Variants in ELAC2 observed in about 807,000 individuals in gnomAD.
The protein encoded by ELAC2 is zinc phosphodiesterase ELAC protein 2.
Under a neutral mutation model 105.2 loss-of-function variants are expected in ELAC2, and 92 were observed. That is an observed-to-expected ratio of 0.87 (90% CI 0.74 to 1.04). The LOEUF is 1.04. Among genes scored for constraint, ELAC2 ranks in the 50% least tolerant of loss-of-function variants. ELAC2 has a pLI of 0.00. For synonymous variants in ELAC2, 468 were observed against 409.1 expected (o/e 1.14, Z -1.74); for missense variants, 1,099 against 1,071.7 (o/e 1.03, Z -0.36).
At position 12,992,035 on chromosome 17, in the gene ELAC2, A is replaced by AAAT. The variant is rs1373437954; in HGVS notation, c.*780_*782dup. On this transcript the variant is annotated 3_prime_UTR_variant, in exon 24 of 24. Transcript: ENST00000338034. ...CTCAGTATGGAAGCAACAACACAGC[A>AAAT]AATCTATTGTCTCCACTTTTACCCA... Among the ~76,000 whole-genome samples the AAAT allele has an allele frequency of 6.6e-6, 1 of 152,196 alleles. No homozygotes were observed. Among genetic ancestry groups the AAAT allele is most frequent in the African/African-American group, 2.4e-5 (1 of 41,446 alleles).
rs2041373893 is a variant in ELAC2, at chr17:13,010,818, T to G, written c.680-147A>C. On this transcript the variant is annotated intron_variant, in intron 7 of 23. Coordinates refer to ENST00000338034, the MANE Select transcript of ELAC2 (RefSeq NM_018127.7). ...AATACAAAGGCTGAAGACACTAATA[T>G]ACTCAAGAAGACTTTTTTTCCCTAC... is the stretch of plus-strand genomic sequence containing the variant. 4 of 748,470 alleles carry G rather than the reference T, an allele frequency of 5.3e-6. No individual in the cohort carries two copies. The South Asian group carries it at 6.1e-5, about 11-fold the overall frequency. 46.4% of individuals were successfully genotyped at this position (748,470 alleles called of 1,614,324 possible).
chr17:13,003,935 T>C (rs2040969597), intron 11 of ELAC2: 2 of 260,512 alleles, frequency 7.7e-6, no homozygotes, highest in South Asian at 9.4e-5. Flanking sequence ...CCTTCCTCTC[T>C]CACAGTCAAA....
chr17:13,014,355 A>T, intron 5 of ELAC2, 84 bp downstream of exon 5: 7 of 875,180 alleles, frequency 8.0e-6, no homozygotes, highest in African/African-American at 1.7e-5. Flanking sequence ...TTTGATGTTG[A>T]TGTTTTTAAT....
Position 12,993,035 on chromosome 17 carries a change from C to T in ELAC2, c.2264G>A (p.Gly755Glu). 3 of 1,602,764 alleles carry T rather than the reference C, an allele frequency of 1.9e-6. No individual in the cohort carries two copies. The highest frequency in any genetic ancestry group is 1.7e-6 in the Non-Finnish European group (2 of 1,178,976). Residue 755 changes from glycine to glutamate, a missense_variant, in exon 24 of 24, where the codon GGA becomes GAA. Coordinates refer to ENST00000338034, the MANE Select transcript of ELAC2 (RefSeq NM_018127.7). ...VAFDHMKVCF[G>E]DFPTMPKLIP... The stretch of plus-strand genomic sequence containing the variant: ...CAGCTTGGGCATTGTTGGAAAGTCT[C>T]CAAAGCAGACCTAGAAGACACAATA...
In ELAC2 at chr17:13,005,747, T is replaced by G. The variant is rs768089614; in HGVS notation, c.870+6A>C. The G allele has an allele frequency of 6.2e-7, 1 of 1,614,104 alleles. No individual in the cohort carries two copies. Among genetic ancestry groups the G allele is most frequent in the South Asian group, 1.1e-5 (1 of 91,078 alleles). ...ACTGCTGAATCAAGAAAACCAGGCATCTCACCTCTCTTCCTTCATGAGTGA... is the reference window on the plus strand; with the variant it reads ...ACTGCTGAATCAAGAAAACCAGGCAGCTCACCTCTCTTCCTTCATGAGTGA... On this transcript the variant is annotated splice_donor_region_variant and intron_variant, in intron 10 of 23. Transcript: ENST00000338034.
chr17:12,994,109 T>C (rs1490257227), intron 22 of ELAC2, among the ~76,000 whole-genome samples: 1 of 152,188 alleles, frequency 6.6e-6, no homozygotes, highest in African/African-American at 2.4e-5. Flanking sequence ...ACTCTTTCGT[T>C]GAAATTAGCA....
intron 14 of ELAC2, 105 bp from the exon 15 acceptor site, chr17:13,000,379 A>G: frequency 9.4e-7 from 1 of 1,069,162 alleles, no homozygotes; most frequent in Non-Finnish European, 1.4e-6. Context: ...ATCTGCAGGA[A>G]GTTCCTTCAG....
chr17:13,007,781 T>G (rs2041192381), intron 8 of ELAC2, among the ~76,000 whole-genome samples: 1 of 151,064 alleles, frequency 6.6e-6, no homozygotes, highest in African/African-American at 2.4e-5. Flanking sequence ...GGGAAGCTGA[T>G]GCATGAGAAT....
At position 13,013,823 on chromosome 17, in the gene ELAC2, T is replaced by C. The variant is rs536085882; in HGVS notation, c.491-548A>G. On this transcript the variant is annotated intron_variant, in intron 5 of 23. Transcript: ENST00000338034. The stretch of plus-strand genomic sequence containing the variant: ...GGCCACAAAACCTCTAGGGAACCCT[T>C]GTCACCCCCGCCCCCAACTCAAAGC... 7.9e-5 allele frequency among the ~76,000 whole-genome samples: 12 copies of C among 152,108 alleles called. No homozygotes were observed. The South Asian group carries it at 2.5e-3, about 32-fold the overall frequency.
chr17:13,010,740 T>C, intron 7 of ELAC2, 69 bp from the exon 8 acceptor site: 3 of 1,377,478 alleles, frequency 2.2e-6, no homozygotes, highest in South Asian at 2.3e-5. Context: ...AGACTGATTA[T>C]GACCCGATAC....
At position 13,014,451 on chromosome 17, in the gene ELAC2, C is replaced by T; in HGVS notation, c.478G>A (p.Gly160Arg). Residue 160 changes from glycine to arginine, a missense_variant, in exon 5 of 24, where the codon GGA becomes AGA. Transcript: ENST00000338034. ...AIKIFSGPLK[G>R]IELAVRPHSA... ...GACAAAGACGTACCCAGTTCTATTC[C>T]TTTCAATGGACCAGAAAATATTTTG... The T allele has an allele frequency of 6.2e-7, 1 of 1,613,616 alleles. No homozygotes were observed. Among genetic ancestry groups the T allele is most frequent in the Non-Finnish European group, 8.5e-7 (1 of 1,179,578 alleles).
At chr17:13,011,096 G>A (rs577500153) in intron 7 of ELAC2, among the ~76,000 whole-genome samples, 22 of 152,358 alleles carry the variant, frequency 1.4e-4, no homozygotes, top group African/African-American at 5.0e-4. Flanking sequence ...ATAGGGGTCA[G>A]CCTGTTCTCA....
intron 8 of ELAC2, among the ~76,000 whole-genome samples, chr17:13,006,772 T>G (rs773555362): frequency 2.3e-4 from 35 of 152,324 alleles, no homozygotes; most frequent in Non-Finnish European, 4.3e-4. Context: ...CTTGTATTTT[T>G]CAATTATGTG....
intron 7 of ELAC2, among the ~76,000 whole-genome samples, chr17:13,011,205 C>G (rs1460514967): frequency 6.6e-6 from 1 of 152,214 alleles, no homozygotes; most frequent in Non-Finnish European, 1.5e-5. Flanking sequence ...GGCCTGACTC[C>G]TGAGCTACAT....
chr17:13,002,767 G>T, intron 12 of ELAC2, 188 bp from the exon 13 acceptor site: 1 of 871,996 alleles, frequency 1.1e-6, no homozygotes. Flanking sequence ...GTGTTCCCTA[G>T]CTCAGCTGCC....
intron 19 of ELAC2, 79 bp downstream of exon 19, chr17:12,995,624 C>T (rs2040428948): frequency 2.2e-6 from 3 of 1,376,818 alleles, no homozygotes; most frequent in Admixed American, 2.0e-5. Flanking sequence ...TTGGTAACTA[C>T]CCCAGTGTCC....
intron 5 of ELAC2, among the ~76,000 whole-genome samples, chr17:13,013,732 C>T (rs915074821): frequency 6.6e-6 from 1 of 152,182 alleles, no homozygotes; most frequent in Non-Finnish European, 1.5e-5. Flanking sequence ...CTCAGTGAGG[C>T]CTCTTCCCAT....
At position 12,997,441 on chromosome 17, in the gene ELAC2, G is replaced by A. The variant is rs558417607; in HGVS notation, c.1521-756C>T. ...CCCGGTGCTAAGACATTACCTTCTGGGGGAAAAAGGAGTCGGGAGGCGGAG... is the reference window on the plus strand; with the variant it reads ...CCCGGTGCTAAGACATTACCTTCTGAGGGAAAAAGGAGTCGGGAGGCGGAG... On this transcript the variant is annotated intron_variant, in intron 16 of 23. Transcript: ENST00000338034. 3.2e-4 allele frequency among the ~76,000 whole-genome samples: 48 copies of A among 152,258 alleles called. No homozygotes were observed. In the South Asian group the frequency reaches 3.9e-3, roughly 12 times the overall value.
chr17:13,015,546 G>C (rs979098266), intron 4 of ELAC2, among the ~76,000 whole-genome samples: 2 of 152,172 alleles, frequency 1.3e-5, no homozygotes, highest in African/African-American at 4.8e-5. Flanking sequence ...AAACGTGATA[G>C]TCATCTTATA....
Sources: gnomAD v4.1 joint callset for allele counts (sites outside exome capture counted in the v4.1 genomes callset) on GRCh38, gnomAD v4.1.1 for gene constraint, MANE v1.5 for transcripts, NCBI Gene and HGNC (gene_info 2026-07-23, HGNC 2026-07-21) for gene names.